The following NAALADL2 variants were observed in gnomAD, a reference collection of about 807,000 sequenced individuals.
NAALADL2 encodes the protein N-acetylated alpha-linked acidic dipeptidase like 2, also known as inactive N-acetylated-alpha-linked acidic dipeptidase-like protein 2.
In NAALADL2, 76 loss-of-function variants were observed where a neutral mutation model predicts 87.2. The observed-to-expected ratio is 0.87, with a 90% CI of 0.72 to 1.05. NAALADL2 has a LOEUF of 1.05. NAALADL2 is among the 50% of genes least tolerant of loss of function. The pLI, the probability that NAALADL2 is intolerant of heterozygous loss-of-function variation, is 0.00. For synonymous variants in NAALADL2, 354 were observed against 331.0 expected, an observed-to-expected ratio of 1.07 and a Z score of -0.75; for missense variants, 1,089 against 945.8, an observed-to-expected ratio of 1.15 and a Z score of -1.99.
At chr3:175,268,395 A>G (rs182632485) in intron 4 of NAALADL2, among the ~76,000 whole-genome samples, 135 of 152,264 alleles carry the variant, frequency 8.9e-4, no homozygotes, top group Admixed American at 2.8e-3. Flanking sequence ...GCAGGACTGG[A>G]AGTTGCTCTA....
intron 2 of NAALADL2, among the ~76,000 whole-genome samples, chr3:174,580,806 A>T (rs1449550572): frequency 6.6e-6 from 1 of 152,036 alleles, no homozygotes; most frequent in Non-Finnish European, 1.5e-5. Flanking sequence ...TGAGTGCAAA[A>T]TTTTTTACAG....
intron 4 of NAALADL2, among the ~76,000 whole-genome samples, chr3:175,275,235 T>C (rs553173742): frequency 5.3e-5 from 8 of 152,254 alleles, no homozygotes; most frequent in African/African-American, 1.4e-4. Context: ...ATTAAAGACA[T>C]ACAAAAAGTA....
At chr3:174,944,554 C>T (rs1739123132) in intron 1 of NAALADL2, among the ~76,000 whole-genome samples, 1 of 152,176 alleles carries the variant, frequency 6.6e-6, no homozygotes, top group Non-Finnish European at 1.5e-5. Context: ...CACTGCTTAG[C>T]ATCCTGGATT....
chr3:174,485,298 T>C (rs1717782613), intron 1 of NAALADL2, among the ~76,000 whole-genome samples: 1 of 151,958 alleles, frequency 6.6e-6, no homozygotes, highest in South Asian at 2.1e-4. Flanking sequence ...ACTATGCAAG[T>C]TTTTAAAAAC....
At chr3:175,281,513 T>C (rs976778523) in intron 4 of NAALADL2, among the ~76,000 whole-genome samples, 3 of 151,986 alleles carry the variant, frequency 2.0e-5, no homozygotes, top group African/African-American at 7.2e-5. Context: ...TTAAAAAATA[T>C]TAAAACCGAT....
intron 2 of NAALADL2, among the ~76,000 whole-genome samples, chr3:175,153,139 C>T (rs1580712858): frequency 6.6e-6 from 1 of 151,960 alleles, no homozygotes; most frequent in East Asian, 1.9e-4. Flanking sequence ...TACAACTTAC[C>T]TCTTAAAGAT....
At chr3:174,530,573 TA>T (rs1452793902) in intron 1 of NAALADL2, among the ~76,000 whole-genome samples, 2 of 152,220 alleles carry the variant, frequency 1.3e-5, no homozygotes, top group Non-Finnish European at 2.9e-5. Flanking sequence ...GAAAGAGGTT[TA>T]TTGGACTTAC....
chr3:174,838,423 A>G (rs959645734), intron 3 of NAALADL2, among the ~76,000 whole-genome samples: 6 of 152,168 alleles, frequency 3.9e-5, no homozygotes, highest in Non-Finnish European at 8.8e-5. Flanking sequence ...ATTCCCTGTG[A>G]GAAATCGAAC....
At chr3:174,805,104 A>G (rs1719306190) in intron 3 of NAALADL2, among the ~76,000 whole-genome samples, 1 of 152,164 alleles carries the variant, frequency 6.6e-6, no homozygotes, top group Non-Finnish European at 1.5e-5. Context: ...ACTGGCTCAT[A>G]TTGGAACTCA....
intron 5 of NAALADL2, among the ~76,000 whole-genome samples, chr3:175,373,411 ATGTAGTAATATGTCC>A (rs531937074): frequency 1.4e-3 from 220 of 152,290 alleles, no homozygotes; most frequent in African/African-American, 5.1e-3. Flanking sequence ...CTATGGACAT[ATGTAGTAATATGTCC>A]TGTAGTAATA....
intron 2 of NAALADL2, among the ~76,000 whole-genome samples, chr3:174,676,281 C>A (rs1419050683): frequency 8.5e-5 from 13 of 152,118 alleles, no homozygotes; most frequent in African/African-American, 2.9e-4. Flanking sequence ...ACACTGGCCG[C>A]TTCATTGTGG....
At chr3:174,778,530 C>T (rs993251853) in intron 3 of NAALADL2, among the ~76,000 whole-genome samples, 17 of 151,828 alleles carry the variant, frequency 1.1e-4, no homozygotes, top group African/African-American at 2.7e-4. Flanking sequence ...ATGTGCAGAA[C>T]GTGCAGGTTT....
chr3:175,436,097 G>A (rs538546448), intron 5 of NAALADL2, among the ~76,000 whole-genome samples: 21 of 143,226 alleles, frequency 1.5e-4, no homozygotes, highest in African/African-American at 4.5e-4. Flanking sequence ...GAGAATATGC[G>A]GTGTTTGGTT....
At chr3:174,571,457 A>T (rs186963824) in intron 2 of NAALADL2, among the ~76,000 whole-genome samples, 1 of 152,060 alleles carries the variant, frequency 6.6e-6, no homozygotes. Context: ...GCCCACCAAA[A>T]ACTCCGCCTC....
At chr3:174,647,321 A>T (rs982853278) in intron 2 of NAALADL2, among the ~76,000 whole-genome samples, 4 of 152,176 alleles carry the variant, frequency 2.6e-5, no homozygotes. Context: ...GAATAACAGA[A>T]GTTATAAAAT....
At chr3:174,478,794 C>T (rs1396594471) in intron 1 of NAALADL2, among the ~76,000 whole-genome samples, 1 of 152,152 alleles carries the variant, frequency 6.6e-6, no homozygotes, top group African/African-American at 2.4e-5. Flanking sequence ...TCACTTCAAT[C>T]TCTGCCTTCT....
At chr3:174,686,990 C>A (rs968850919) in intron 2 of NAALADL2, among the ~76,000 whole-genome samples, 1 of 151,978 alleles carries the variant, frequency 6.6e-6, no homozygotes, top group Admixed American at 6.6e-5. Context: ...TTAGTCATTA[C>A]ATCAGGTCAT....
intron 5 of NAALADL2, among the ~76,000 whole-genome samples, chr3:175,404,482 T>A (rs1263307327): frequency 1.3e-5 from 2 of 152,142 alleles, no homozygotes; most frequent in Non-Finnish European, 2.9e-5. Flanking sequence ...TGAGTCTAAG[T>A]GTCCTCCAAA....
At chr3:175,346,299 C>T (rs1763152314) in intron 5 of NAALADL2, among the ~76,000 whole-genome samples, 1 of 151,960 alleles carries the variant, frequency 6.6e-6, no homozygotes, top group South Asian at 2.1e-4. Context: ...TGCATACACA[C>T]AAACACACAC....
Sources: allele counts gnomAD v4.1 joint callset (sites outside exome capture counted in the v4.1 genomes callset), GRCh38; gene constraint gnomAD v4.1.1; transcripts MANE v1.5; gene names NCBI Gene and HGNC (gene_info 2026-07-23, HGNC 2026-07-21).